Variants in PLXNA2 observed in about 807,000 individuals in gnomAD.
The protein encoded by PLXNA2 is plexin-A2.
A neutral mutation model predicts 193.5 loss-of-function variants in PLXNA2; 91 were observed. That is an observed-to-expected ratio of 0.47 (90% CI 0.40 to 0.56). PLXNA2 has a LOEUF of 0.56. PLXNA2 is among the 20% of genes least tolerant of loss of function. PLXNA2 has a pLI of 0.00. For missense variants in PLXNA2, 1,995 were observed against 2,503.2 expected (o/e 0.80, Z 4.33); for synonymous variants, 997 against 1,027.3 (o/e 0.97, Z 0.56).
chr1:208,168,723 G>GTTTTTTTTTTTTTTTTTTTT lies in PLXNA2; in HGVS notation c.1372-26261_1372-26260insAAAAAAAAAAAAAAAAAAAA, dbSNP rs751893998. 3.7e-4 allele frequency among the ~76,000 whole-genome samples: 38 copies of GTTTTTTTTTTTTTTTTTTTT among 102,226 alleles called. 11 individuals carry two copies. The highest frequency in any genetic ancestry group is 8.1e-4 in the East Asian group (2 of 2,484). 67.1% of individuals were successfully genotyped at this position (102,226 alleles called of 152,430 possible). On this transcript the variant is annotated intron_variant, in intron 3 of 31. Coordinates refer to ENST00000367033, the MANE Select transcript of PLXNA2 (RefSeq NM_025179.4). ...CAAAAAGAAGACAAAGAGTATGCGG[G>GTTTTTTTTTTTTTTTTTTTT]GTTTTTTTTTTTTTTTTTTTTTTTT...
At chr1:208,060,977 C>T (rs1426514918) in intron 12 of PLXNA2, 140 bp from the exon 13 acceptor site, 19 of 652,584 alleles carry the variant, frequency 2.9e-5, no homozygotes, top group East Asian at 2.9e-5. Flanking sequence ...TGAGTGAGTG[C>T]GTTTTGTCCA....
intron 9 of PLXNA2, among the ~76,000 whole-genome samples, chr1:208,090,910 G>A (rs1246150436): frequency 6.6e-6 from 1 of 152,190 alleles, no homozygotes; most frequent in Non-Finnish European, 1.5e-5. Flanking sequence ...GCCCCTCTAA[G>A]CGATTCTTTC....
chr1:208,045,312 C>CA (rs1167674551), intron 18 of PLXNA2, 102 bp from the exon 19 acceptor site: 1 of 1,241,188 alleles, frequency 8.1e-7, no homozygotes, highest in Admixed American at 2.0e-5. Flanking sequence ...GGCAGCAGTG[C>CA]AAAAACCAGG....
intron 22 of PLXNA2, 130 bp downstream of exon 22, chr1:208,041,968 G>T (rs1571852930): frequency 1.1e-6 from 1 of 941,454 alleles, no homozygotes; most frequent in Non-Finnish European, 1.6e-6. Flanking sequence ...TGAGGACACA[G>T]GCTGCTCTGA....
At chr1:208,228,890 C>T (rs1220861219) in intron 1 of PLXNA2, among the ~76,000 whole-genome samples, 1 of 152,158 alleles carries the variant, frequency 6.6e-6, no homozygotes, top group Non-Finnish European at 1.5e-5. Flanking sequence ...TTCTCTCCTC[C>T]AAAGTCAATT....
chr1:208,143,261 C>T (rs764836671), intron 3 of PLXNA2, among the ~76,000 whole-genome samples: 1 of 152,168 alleles, frequency 6.6e-6, no homozygotes, highest in Non-Finnish European at 1.5e-5. Flanking sequence ...TAGCCAGGGT[C>T]GAGGAGCAGC....
chr1:208,229,553 T>C lies in PLXNA2; in HGVS notation c.-80-11551A>G, dbSNP rs559403401. Among the ~76,000 whole-genome samples, 135 of 152,320 alleles carry C rather than the reference T, an allele frequency of 8.9e-4. 1 individual carries two copies. The highest frequency in any genetic ancestry group is 3.1e-3 in the African/African-American group (127 of 41,562). ...TGGCTCAGGGATCTGTCATGACTGA[T>C]CTTCAGGAGGTAGTGAAGAAGGAGG... On this transcript the variant is annotated intron_variant, in intron 1 of 31. Coordinates refer to ENST00000367033, the MANE Select transcript of PLXNA2 (RefSeq NM_025179.4).
chr1:208,038,331 T>C lies in PLXNA2; in HGVS notation c.4764+40A>G. The C allele has an allele frequency of 7.2e-7, 1 of 1,388,180 alleles. No homozygotes were observed. The highest frequency in any genetic ancestry group is 1.0e-6 in the Non-Finnish European group (1 of 973,554). The allele number at this position is 1,388,180 out of a possible 1,614,324, so 86.0% of individuals were successfully genotyped here. ...AGCAAGGCTTAGCGGGAAGGGAACA[T>C]TCTGGGAAGCTGAAGAGGGGAAAAG... On this transcript the variant is annotated intron_variant, in intron 26 of 31. Coordinates refer to ENST00000367033, the MANE Select transcript of PLXNA2 (RefSeq NM_025179.4). The surrounding 1 kb of genome is among the most constrained non-coding windows in gnomAD (Gnocchi z 4.1).
At chr1:208,027,457 C>A (rs1256970327) in intron 31 of PLXNA2, 119 bp from the exon 32 acceptor site, 4 of 679,030 alleles carry the variant, frequency 5.9e-6, no homozygotes, top group African/African-American at 5.4e-5. Flanking sequence ...ATGCACATAA[C>A]CTTAAATAAT....
At chr1:208,157,318 T>C (rs1175176892) in intron 3 of PLXNA2, among the ~76,000 whole-genome samples, 5 of 152,234 alleles carry the variant, frequency 3.3e-5, no homozygotes, top group Non-Finnish European at 5.9e-5. Context: ...ACAGTTATCA[T>C]TCCATGTTGG....
At chr1:208,139,736 A>T (rs1170359861) in intron 4 of PLXNA2, among the ~76,000 whole-genome samples, 1 of 152,224 alleles carries the variant, frequency 6.6e-6, no homozygotes, top group East Asian at 1.9e-4. Flanking sequence ...ATTTTGACAG[A>T]TTATTCTCCT....
chr1:208,095,887 C>T (rs1666868274), intron 8 of PLXNA2, 142 bp downstream of exon 8: 2 of 702,048 alleles, frequency 2.8e-6, no homozygotes, highest in African/African-American at 1.8e-5. Context: ...TGTACTCTGT[C>T]CAAACAAAGT....
Position 208,210,451 on chromosome 1 carries a change from G to C in PLXNA2, c.1200C>G (p.Ile400Met). ...DVQCTKAPVP[I>M]DDNFCGLDIN... is the part of the protein sequence containing the mutation. ...TGTCCAGTCCACAGAAGTTATCATC[G>C]ATGGGGACAGGCTGGAGGGAAGCGG... The change falls in exon 3 of 32, where the codon ATC becomes ATG. Residue 400 changes from isoleucine to methionine, a missense_variant. Around this residue, in one of 3 missense-constraint regions of PLXNA2, gnomAD observed 702 missense variants for 812.9 expected, o/e 0.86. Transcript: ENST00000367033. The C allele has an allele frequency of 6.2e-7, 1 of 1,612,454 alleles. No homozygotes were observed. The highest frequency in any genetic ancestry group is 8.5e-7 in the Non-Finnish European group (1 of 1,178,954).
chr1:208,056,022 AT>A (rs984368176), intron 13 of PLXNA2, among the ~76,000 whole-genome samples: 3 of 152,376 alleles, frequency 2.0e-5, no homozygotes, highest in Admixed American at 6.5e-5. Flanking sequence ...ATCAATTAAT[AT>A]TTTACACGTA....
rs995605920 is a variant in PLXNA2 at position 208,044,346 on chromosome 1, C to T, written c.3874+162G>A. Among the ~76,000 whole-genome samples, 4 of 152,142 alleles carry T rather than the reference C, an allele frequency of 2.6e-5. No homozygotes were observed. Among genetic ancestry groups the T allele is most frequent in the Admixed American group, 6.5e-5 (1 of 15,278 alleles). ...GGCATTCTTCATTGGACATCTCTGA[C>T]CCTATAAGCAAAAGAAGTTCTGGGA... On this transcript the variant is annotated intron_variant, in intron 20 of 31. Coordinates refer to ENST00000367033, the MANE Select transcript of PLXNA2 (RefSeq NM_025179.4). The surrounding 1 kb of genome is among the most constrained non-coding windows in gnomAD (Gnocchi z 4.9).
chr1:208,082,399 A>G lies in PLXNA2; in HGVS notation c.2395+13T>C. The G allele has an allele frequency of 6.2e-7, 1 of 1,609,884 alleles. No individual in the cohort carries two copies. Among genetic ancestry groups the G allele is most frequent in the Non-Finnish European group, 8.5e-7 (1 of 1,176,372 alleles). ...TGAAAAGATCAAACTTCTACCCGGA[A>G]GTAGCCGCTTACCTTTCAGGTCCTG... On this transcript the variant is annotated intron_variant, in intron 11 of 31. Transcript: ENST00000367033. The surrounding 1 kb of genome is among the most constrained non-coding windows in gnomAD (Gnocchi z 4.2).
chr1:208,031,776 G>A lies in PLXNA2; in HGVS notation c.5056-17C>T. 2.5e-6 allele frequency: 4 copies of A among 1,583,158 alleles called. No individual in the cohort carries two copies. In the South Asian group the frequency reaches 3.5e-5, roughly 14 times the overall value. On this transcript the variant is annotated splice_polypyrimidine_tract_variant and intron_variant, in intron 28 of 31. Transcript: ENST00000367033. ...CAGGGTGCCCTGGAGGAGGGGTGGG[G>A]GAGAGTAAGATGGAGGGGGGTGACG...
At position 208,045,927 on chromosome 1, in the gene PLXNA2, C is replaced by T; in HGVS notation, c.3446G>A (p.Ser1149Asn). The change falls in exon 18 of 32, where the codon AGC becomes AAC. Residue 1149 changes from serine to asparagine, a missense_variant. Ser to Asn is a conservative substitution (Grantham distance 46). Transcript: ENST00000367033. ...YYPNPTFELL[S>N]PTGVLDQKPG... is the part of the protein sequence containing the mutation. ...CTTTTGATCCAAGACTCCAGTAGGG[C>T]TAAGCAGTTCAAAGGTCGGGTTGGG... is the stretch of plus-strand genomic sequence containing the variant. 1.9e-6 allele frequency: 3 copies of T among 1,614,262 alleles called. No individual in the cohort carries two copies. The highest frequency in any genetic ancestry group is 2.5e-6 in the Non-Finnish European group (3 of 1,180,032).
intron 21 of PLXNA2, 112 bp downstream of exon 21, chr1:208,042,949 A>G (rs1400029058): frequency 9.5e-7 from 1 of 1,052,118 alleles, no homozygotes; most frequent in Non-Finnish European, 1.4e-6. Flanking sequence ...CAAACTACTG[A>G]CCCCTCTTCC....
Sources: gnomAD v4.1 joint callset for allele counts (sites outside exome capture counted in the v4.1 genomes callset) on GRCh38, gnomAD v4.1.1 for gene constraint, gnomAD v4.1.1 regional missense constraint, Gnocchi (gnomAD v3.1) non-coding constraint, MANE v1.5 for transcripts, NCBI Gene and HGNC (gene_info 2026-07-23, HGNC 2026-07-21) for gene names.